Variants in KCNAB1 observed in about 807,000 individuals in gnomAD.
The protein encoded by KCNAB1 is voltage-gated potassium channel subunit beta-1.
A neutral mutation model predicts 64.6 loss-of-function variants in KCNAB1; 35 were observed. That is an observed-to-expected ratio of 0.54 (90% confidence interval 0.41 to 0.72). KCNAB1 has a LOEUF of 0.72. Ranked by LOEUF, KCNAB1 falls within the 30% of genes least tolerant of loss-of-function variation. KCNAB1 has a pLI of 0.00. For synonymous variants in KCNAB1, 177 were observed against 183.8 expected, an observed-to-expected ratio of 0.96 and a Z score of 0.30; for missense variants, 401 against 512.9, an observed-to-expected ratio of 0.78 and a Z score of 2.11.
At chr3:156,200,682 G>C (rs141139703) in intron 1 of KCNAB1, among the ~76,000 whole-genome samples, 2 of 152,290 alleles carry the variant, frequency 1.3e-5, no homozygotes, top group African/African-American at 4.8e-5. Context: ...GATCATCCCA[G>C]GTCAACTTCA....
chr3:156,317,624 A>G (rs1371522845), intron 1 of KCNAB1, among the ~76,000 whole-genome samples: 2 of 152,190 alleles, frequency 1.3e-5, no homozygotes, highest in East Asian at 1.9e-4. Flanking sequence ...CTCATCCACA[A>G]TTCCACCTAG....
At chr3:156,519,860 A>C (rs901816623) in intron 11 of KCNAB1, among the ~76,000 whole-genome samples, 6 of 152,212 alleles carry the variant, frequency 3.9e-5, no homozygotes, top group Non-Finnish European at 5.9e-5. Flanking sequence ...TCCAGAGATG[A>C]CTGGACAAGC....
intron 8 of KCNAB1, among the ~76,000 whole-genome samples, chr3:156,497,581 G>A (rs144122287): frequency 2.2e-4 from 34 of 152,256 alleles, no homozygotes; most frequent in South Asian, 4.1e-4. Flanking sequence ...TTCCACATCC[G>A]TCTGTCTGAC....
chr3:156,432,231 C>G (rs1716268285), intron 2 of KCNAB1, among the ~76,000 whole-genome samples: 1 of 152,144 alleles, frequency 6.6e-6, no homozygotes, highest in African/African-American at 2.4e-5. Context: ...ATTCTCCCAG[C>G]TTTTTCTATG....
At chr3:156,185,601 T>C (rs1041446434) in intron 1 of KCNAB1, among the ~76,000 whole-genome samples, 1 of 152,146 alleles carries the variant, frequency 6.6e-6, no homozygotes, top group African/African-American at 2.4e-5. Flanking sequence ...TAGTAAATTG[T>C]GAAAATGTGA....
intron 1 of KCNAB1, among the ~76,000 whole-genome samples, chr3:156,146,209 T>C (rs1305516175): frequency 6.6e-6 from 1 of 152,162 alleles, no homozygotes; most frequent in East Asian, 1.9e-4. Flanking sequence ...CTGGAGGACA[T>C]TGAATGTGGT....
At chr3:156,424,230 C>G (rs1715666929) in intron 2 of KCNAB1, among the ~76,000 whole-genome samples, 1 of 151,992 alleles carries the variant, frequency 6.6e-6, no homozygotes, top group African/African-American at 2.4e-5. Flanking sequence ...AGGGAGTGAC[C>G]AGGGTGGGTC....
At chr3:156,149,610 T>C (rs1448724031) in intron 1 of KCNAB1, among the ~76,000 whole-genome samples, 1 of 152,082 alleles carries the variant, frequency 6.6e-6, no homozygotes, top group Non-Finnish European at 1.5e-5. Context: ...AAAGACAAGC[T>C]CTTCCCTCCC....
intron 1 of KCNAB1, among the ~76,000 whole-genome samples, chr3:156,362,781 G>GA (rs150961235): frequency 6.6e-6 from 1 of 152,148 alleles, no homozygotes; most frequent in South Asian, 2.1e-4. Context: ...CTGGCTCCTG[G>GA]AAAAAAATAC....
chr3:156,243,962 C>T (rs995605864), intron 1 of KCNAB1, among the ~76,000 whole-genome samples: 4 of 152,184 alleles, frequency 2.6e-5, no homozygotes, highest in African/African-American at 9.7e-5. Context: ...CTGTAGCTTC[C>T]ATGGACCTGC....
At chr3:156,173,580 C>T (rs952463355) in intron 1 of KCNAB1, among the ~76,000 whole-genome samples, 2 of 152,184 alleles carry the variant, frequency 1.3e-5, no homozygotes, top group African/African-American at 4.8e-5. Flanking sequence ...AGCCCCTTAA[C>T]CTCTCTGGGG....
At chr3:156,520,681 A>C (rs1250544732) in intron 11 of KCNAB1, among the ~76,000 whole-genome samples, 2 of 152,250 alleles carry the variant, frequency 1.3e-5, no homozygotes, top group East Asian at 3.8e-4. Context: ...CAAGTACATC[A>C]AGTGTTCATA....
intron 8 of KCNAB1, among the ~76,000 whole-genome samples, chr3:156,483,464 T>G (rs1455495348): frequency 6.6e-6 from 1 of 152,134 alleles, no homozygotes. Flanking sequence ...CCTCTTTCCA[T>G]TCCTCCCTCC....
chr3:156,168,799 C>T (rs1365496869), intron 1 of KCNAB1, among the ~76,000 whole-genome samples: 1 of 152,172 alleles, frequency 6.6e-6, no homozygotes, highest in East Asian at 1.9e-4. Flanking sequence ...TAGACATTTG[C>T]TCCAAAGAAA....
intron 11 of KCNAB1, among the ~76,000 whole-genome samples, chr3:156,520,499 G>A (rs1433457450): frequency 6.6e-6 from 1 of 152,150 alleles, no homozygotes; most frequent in African/African-American, 2.4e-5. Flanking sequence ...GATCACCTGA[G>A]CCTGGGAGGT....
intron 1 of KCNAB1, among the ~76,000 whole-genome samples, chr3:156,152,115 G>A (rs1715448589): frequency 1.3e-5 from 2 of 152,188 alleles, no homozygotes; most frequent in African/African-American, 4.8e-5. Flanking sequence ...GGGTTACCAC[G>A]TTTTCTTCTG....
chr3:156,170,056 G>T (rs1209804797), intron 1 of KCNAB1, among the ~76,000 whole-genome samples: 3 of 152,076 alleles, frequency 2.0e-5, no homozygotes, highest in African/African-American at 7.2e-5. Flanking sequence ...GGCTCAGAAG[G>T]CTTCCCAGCT....
intron 1 of KCNAB1, among the ~76,000 whole-genome samples, chr3:156,420,333 G>A (rs1038404672): frequency 6.6e-6 from 1 of 152,244 alleles, no homozygotes; most frequent in African/African-American, 2.4e-5. Flanking sequence ...AACTAGTTGT[G>A]ACAACGGGTC....
chr3:156,182,709 T>TTA (rs1397699545), intron 1 of KCNAB1, among the ~76,000 whole-genome samples: 23 of 151,002 alleles, frequency 1.5e-4, no homozygotes, highest in Non-Finnish European at 2.5e-4. Context: ...TTTTTTTTTT[T>TTA]TTTTATTTTG....
Sources: allele counts gnomAD v4.1 joint callset (sites outside exome capture counted in the v4.1 genomes callset), GRCh38; gene constraint gnomAD v4.1.1; transcripts MANE v1.5; gene names NCBI Gene and HGNC (gene_info 2026-07-23, HGNC 2026-07-21).